The following FLT3 variants were observed in gnomAD, a reference collection of about 807,000 sequenced individuals.
FLT3 encodes the protein fms related receptor tyrosine kinase 3, also known as receptor-type tyrosine-protein kinase FLT3.
In FLT3, 46 loss-of-function variants were observed where a neutral mutation model predicts 126.6. The ratio of observed to expected loss-of-function variants is 0.36; its 90% confidence interval spans 0.29 to 0.46. The LOEUF is 0.46. Ranked by LOEUF, FLT3 falls within the 20% of genes least tolerant of loss-of-function variation. The pLI is 1.00. For missense variants in FLT3, 1,069 were observed against 1,190.3 expected (o/e 0.90, Z 1.50); for synonymous variants, 404 against 434.4 (o/e 0.93, Z 0.87).
Position 28,003,845 on chromosome 13 carries a change from C to A in FLT3, c.*207G>T. On this transcript the variant is annotated 3_prime_UTR_variant, in exon 24 of 24. Coordinates refer to ENST00000241453, the MANE Select transcript of FLT3 (RefSeq NM_004119.3). ...ATGCTCCAATAAAGTTCATTATCAG[C>A]TCCTCCTGCCTTGTGACAGGATGAT... is the stretch of plus-strand genomic sequence containing the variant. 1.7e-6 allele frequency: 1 copy of A among 589,164 alleles called. No homozygotes were observed. The highest frequency in any genetic ancestry group is 1.9e-5 in the African/African-American group (1 of 53,806). 36.5% of individuals were successfully genotyped at this position (589,164 alleles called of 1,614,324 possible).
chr13:28,063,059 T>C (rs1185491702), intron 2 of FLT3, among the ~76,000 whole-genome samples: 2 of 83,970 alleles, frequency 2.4e-5, no homozygotes, highest in African/African-American at 6.9e-5. Context: ...TGTTGGTATA[T>C]AGATAAAAAT....
chr13:28,070,730 GA>G, intron 1 of FLT3, 118 bp from the exon 2 acceptor site: 1 of 732,582 alleles, frequency 1.4e-6, no homozygotes, highest in Non-Finnish European at 2.2e-6. Flanking sequence ...TGGCCACTAT[GA>G]AAGTATGTAG....
intron 1 of FLT3, among the ~76,000 whole-genome samples, chr13:28,090,093 T>C (rs866019363): frequency 1.3e-5 from 2 of 151,672 alleles, no homozygotes; most frequent in South Asian, 4.2e-4. Context: ...CAGGGTGAAG[T>C]GTGGCGGCAC....
intron 15 of FLT3, among the ~76,000 whole-genome samples, chr13:28,032,727 G>C (rs548970463): frequency 6.6e-6 from 1 of 152,328 alleles, no homozygotes; most frequent in East Asian, 1.9e-4. Context: ...ACAAAGGACT[G>C]AGAAGGGCAG....
intron 1 of FLT3, among the ~76,000 whole-genome samples, chr13:28,074,926 G>C (rs942031594): frequency 6.6e-6 from 1 of 152,086 alleles, no homozygotes; most frequent in East Asian, 1.9e-4. Context: ...GAGCCACTGC[G>C]CTCAGCCCTC....
At position 28,057,339 on chromosome 13, in the gene FLT3, G is replaced by T. The variant is rs41291684; in HGVS notation, c.484+8C>A. 5.2e-6 allele frequency: 6 copies of T among 1,148,364 alleles called. No individual in the cohort carries two copies. The highest frequency in any genetic ancestry group is 8.0e-6 in the Non-Finnish European group (6 of 754,364). The allele number at this position is 1,148,364 out of a possible 1,614,324, so 71.1% of individuals were successfully genotyped here. On this transcript the variant is annotated splice_region_variant and intron_variant, in intron 4 of 23. Transcript: ENST00000241453. The stretch of plus-strand genomic sequence containing the variant: ...CAGGCTGGAATACTAGTAGCAGGCT[G>T]GACTTACTTCTTATACTCACTGTAA...
chr13:28,023,471 A>G lies in FLT3; in HGVS notation c.2297T>C (p.Ile766Thr). 1 of 1,613,780 alleles carries G rather than the reference A, an allele frequency of 6.2e-7. No homozygotes were observed. The highest frequency in any genetic ancestry group is 8.5e-7 in the Non-Finnish European group (1 of 1,179,942). ...CAGCCTTTTTTGGTTTTCATATTCA[A>G]TTTCATCTGTAAAATAGAGCCAGTC... ...HGNSFHSEDE[I>T]EYENQKRLEE... Residue 766 changes from isoleucine (I) to threonine (T), a missense_variant, in exon 19 of 24, where the codon ATT becomes ACT. Ile to Thr is a moderately conservative substitution (Grantham distance 89). Coordinates refer to ENST00000241453, the MANE Select transcript of FLT3 (RefSeq NM_004119.3).
At chr13:28,073,062 C>T (rs111804058) in intron 1 of FLT3, among the ~76,000 whole-genome samples, 26,781 of 151,220 alleles carry the variant, frequency 0.18, 2,437 homozygotes, top group Middle Eastern at 0.26. Context: ...ATTTTTTGGC[C>T]GAGCCTGGTG....
intron 1 of FLT3, chr13:28,073,506 C>G: frequency 4.6e-6 from 1 of 216,366 alleles, no homozygotes; most frequent in Non-Finnish European, 9.9e-6. Flanking sequence ...GTAATGTTTT[C>G]TCTCTAGTCT....
intron 5 of FLT3, among the ~76,000 whole-genome samples, chr13:28,052,083 A>AT (rs202017475): frequency 1.8e-4 from 27 of 151,398 alleles, no homozygotes; most frequent in African/African-American, 6.4e-4. Flanking sequence ...TATTTATTTT[A>AT]TTTTTTTAAT....
intron 1 of FLT3, among the ~76,000 whole-genome samples, chr13:28,088,710 G>A (rs1479413928): frequency 2.0e-5 from 3 of 146,624 alleles, no homozygotes; most frequent in South Asian, 2.2e-4. Context: ...TCAGCCTCCC[G>A]AGTAGCTGGG....
chr13:28,007,307 T>TGCTAA (rs1173496710), intron 23 of FLT3, among the ~76,000 whole-genome samples: 1 of 152,160 alleles, frequency 6.6e-6, no homozygotes, highest in Non-Finnish European at 1.5e-5. Context: ...AGTACAGTGG[T>TGCTAA]GCAATCACAG....
chr13:28,049,909 TAG>T, intron 6 of FLT3, 135 bp from the exon 7 acceptor site: 1 of 1,131,136 alleles, frequency 8.8e-7, no homozygotes, highest in Non-Finnish European at 1.2e-6. Context: ...AAGAAGCTTT[TAG>T]AGACTGACTC....
At chr13:28,061,756 G>C (rs1441036058) in intron 3 of FLT3, 111 bp downstream of exon 3, 3 of 768,694 alleles carry the variant, frequency 3.9e-6, no homozygotes, top group Non-Finnish European at 6.3e-6. Context: ...GGGTGACAGA[G>C]AGAGACCCTG....
chr13:28,089,456 C>A (rs977770312), intron 1 of FLT3, among the ~76,000 whole-genome samples: 1 of 152,086 alleles, frequency 6.6e-6, no homozygotes, highest in Admixed American at 6.5e-5. Flanking sequence ...TGGAAGCAAA[C>A]AAATGACCAG....
chr13:28,084,676 G>C (rs1878535112), intron 1 of FLT3, among the ~76,000 whole-genome samples: 1 of 152,034 alleles, frequency 6.6e-6, no homozygotes, highest in African/African-American at 2.4e-5. Flanking sequence ...TGTATGTATT[G>C]AATCTTTTAA....
chr13:28,046,820 T>G (rs1012930574), intron 9 of FLT3, among the ~76,000 whole-genome samples: 34 of 152,056 alleles, frequency 2.2e-4, no homozygotes, highest in African/African-American at 8.0e-4. Flanking sequence ...GGTCTCAAAC[T>G]CCTAGGATCA....
intron 1 of FLT3, among the ~76,000 whole-genome samples, chr13:28,072,627 C>T (rs1013295631): frequency 6.6e-6 from 1 of 152,236 alleles, no homozygotes; most frequent in Non-Finnish European, 1.5e-5. Context: ...AACTCCTGGC[C>T]TCAAGTGATT....
At chr13:28,053,784 T>C (rs1875761011) in intron 4 of FLT3, among the ~76,000 whole-genome samples, 1 of 151,648 alleles carries the variant, frequency 6.6e-6, no homozygotes, top group African/African-American at 2.4e-5. Context: ...TTTTTACTGC[T>C]ACATAATATT....
Sources: allele counts gnomAD v4.1 joint callset (sites outside exome capture counted in the v4.1 genomes callset), GRCh38; gene constraint gnomAD v4.1.1; transcripts MANE v1.5; gene names NCBI Gene and HGNC (gene_info 2026-07-23, HGNC 2026-07-21).